AFF3: variants seen among roughly 807,000 people sequenced by gnomAD.
AFF3 encodes AF4/FMR2 family member 3.
AFF3 carries 32 observed loss-of-function variants against 129.7 expected under a neutral mutation model. That is an observed-to-expected ratio of 0.25 (90% CI 0.19 to 0.33). The LOEUF is 0.33. Ranked by LOEUF, AFF3 falls within the 10% of genes least tolerant of loss-of-function variation. AFF3 has a pLI of 1.00. For synonymous variants in AFF3, 644 were observed against 635.4 expected, an observed-to-expected ratio of 1.01 and a Z score of -0.20; for missense variants, 1,373 against 1,592.0, an observed-to-expected ratio of 0.86 and a Z score of 2.34.
chr2:99,913,427 A>T (rs943183588), intron 7 of AFF3, among the ~76,000 whole-genome samples: 1 of 152,166 alleles, frequency 6.6e-6, no homozygotes, highest in Admixed American at 6.6e-5. Flanking sequence ...GTCAATATGA[A>T]CCCTAGTTTC....
chr2:99,560,254 G>A, intron 21 of AFF3, 111 bp downstream of exon 21: 3 of 1,176,214 alleles, frequency 2.6e-6, no homozygotes, highest in Non-Finnish European at 2.5e-6. Flanking sequence ...ACTGCTCTGG[G>A]GCTTTGTATG....
intron 13 of AFF3, among the ~76,000 whole-genome samples, chr2:99,648,238 A>T (rs531121251): frequency 2.0e-5 from 3 of 152,166 alleles, no homozygotes; most frequent in Non-Finnish European, 2.9e-5. Context: ...CCATCACCAT[A>T]ATCTATTTTT....
At chr2:99,557,516 G>A (rs1046308631) in intron 22 of AFF3, among the ~76,000 whole-genome samples, 3 of 152,196 alleles carry the variant, frequency 2.0e-5, no homozygotes, top group African/African-American at 7.2e-5. Context: ...TTAAAAGTTT[G>A]TTGTAGCCCC....
chr2:99,757,260 G>A (rs1682190508), intron 8 of AFF3, among the ~76,000 whole-genome samples: 1 of 152,138 alleles, frequency 6.6e-6, no homozygotes, highest in South Asian at 2.1e-4. Context: ...TGTCTACTGA[G>A]CCACTCAACC....
At chr2:100,054,940 T>C (rs532116949) in intron 4 of AFF3, among the ~76,000 whole-genome samples, 1 of 152,310 alleles carries the variant, frequency 6.6e-6, no homozygotes, top group South Asian at 2.1e-4. Flanking sequence ...AAAGAGTGTT[T>C]CTCCAACAGG....
At chr2:99,951,209 ATCTT>A (rs1463659087) in intron 7 of AFF3, among the ~76,000 whole-genome samples, 1 of 152,222 alleles carries the variant, frequency 6.6e-6, no homozygotes, top group South Asian at 2.1e-4. Context: ...CCTTGAAAAT[ATCTT>A]TCTGATTTTG....
chr2:99,941,593 G>C (rs1558994591), intron 7 of AFF3, among the ~76,000 whole-genome samples: 1 of 152,154 alleles, frequency 6.6e-6, no homozygotes, highest in East Asian at 1.9e-4. Flanking sequence ...AATTTCCACT[G>C]TGACTACACA....
At chr2:99,610,174 G>A (rs1232070970) in intron 13 of AFF3, among the ~76,000 whole-genome samples, 3 of 152,078 alleles carry the variant, frequency 2.0e-5, no homozygotes, top group Non-Finnish European at 2.9e-5. Flanking sequence ...TCACACGGAC[G>A]CGCTTGACAT....
At chr2:99,765,946 A>G (rs560207890) in intron 8 of AFF3, among the ~76,000 whole-genome samples, 55 of 152,158 alleles carry the variant, frequency 3.6e-4, no homozygotes, top group Non-Finnish European at 6.9e-4. Flanking sequence ...CTTCAAAGGG[A>G]TAGTTACTAG....
intron 1 of AFF3, among the ~76,000 whole-genome samples, chr2:100,141,052 A>T (rs969779939): frequency 7.2e-5 from 11 of 152,168 alleles, no homozygotes; most frequent in African/African-American, 2.7e-4. Flanking sequence ...TGTTCCAGGC[A>T]CTTGTCTAAG....
At chr2:99,584,293 C>T (rs1029169919) in intron 16 of AFF3, among the ~76,000 whole-genome samples, 7 of 150,648 alleles carry the variant, frequency 4.6e-5, no homozygotes, top group African/African-American at 1.7e-4. Flanking sequence ...CACGGTGAAA[C>T]CCCCTCTCTG....
intron 8 of AFF3, among the ~76,000 whole-genome samples, chr2:99,790,179 TAAGAA>T (rs529833774): frequency 6.6e-6 from 1 of 152,154 alleles, no homozygotes; most frequent in Non-Finnish European, 1.5e-5. Context: ...ACAGCACAGA[TAAGAA>T]AAGAAATGTG....
chr2:100,083,162 T>G (rs1398858198), intron 4 of AFF3, among the ~76,000 whole-genome samples: 5 of 152,166 alleles, frequency 3.3e-5, no homozygotes, highest in Non-Finnish European at 7.4e-5. Flanking sequence ...TCCTAAGTAT[T>G]TATATACAAC....
chr2:99,961,560 T>G (rs1390085589), intron 7 of AFF3, among the ~76,000 whole-genome samples: 1 of 152,154 alleles, frequency 6.6e-6, no homozygotes, highest in African/African-American at 2.4e-5. Flanking sequence ...TTTTCCACAG[T>G]CCTACACAGT....
Position 99,559,017 on chromosome 2 carries a change from C to T in AFF3, c.3192-49G>A, listed in dbSNP as rs772998497. On this transcript the variant is annotated intron_variant, in intron 21 of 24. Transcript: ENST00000672756. The stretch of plus-strand genomic sequence containing the variant: ...CCCAGAAGCGGCTGAGTGCGTCGTG[C>T]GCAAACAAGACTTAAACATTTTTGT... The T allele has an allele frequency of 2.0e-5, 31 of 1,538,668 alleles. No individual in the cohort carries two copies. In the South Asian group the frequency reaches 3.1e-4, roughly 16 times the overall value.
intron 2 of AFF3, chr2:100,105,862 C>T: frequency 7.5e-7 from 1 of 1,335,672 alleles, no homozygotes; most frequent in Non-Finnish European, 9.9e-7. Flanking sequence ...TTGTGCCTCA[C>T]CACGCGAACC....
At chr2:100,014,337 T>C (rs1573114888) in intron 4 of AFF3, among the ~76,000 whole-genome samples, 1 of 152,162 alleles carries the variant, frequency 6.6e-6, no homozygotes, top group African/African-American at 2.4e-5. Flanking sequence ...CTCTCACCTA[T>C]CTTTTGGAAA....
In AFF3 at chr2:99,755,416, C is replaced by T. The variant is rs113846661; in HGVS notation, c.922-3115G>A. 5.0e-3 allele frequency among the ~76,000 whole-genome samples: 762 copies of T among 152,072 alleles called. 1 individual carries two copies. The highest frequency in any genetic ancestry group is 0.018 in the African/African-American group (730 of 41,484). ...CCGAGTAGCTGGGATTACAGGCATG[C>T]GTCACCACACCTGGCTAATTCTGTA... On this transcript the variant is annotated intron_variant, in intron 8 of 24. Transcript: ENST00000672756.
intron 8 of AFF3, among the ~76,000 whole-genome samples, chr2:99,787,800 G>A (rs950234038): frequency 2.0e-4 from 30 of 152,178 alleles, no homozygotes; most frequent in African/African-American, 7.2e-4. Context: ...GCTCAGCTTT[G>A]GGGAGATCTG....
Sources: allele counts gnomAD v4.1 joint callset (sites outside exome capture counted in the v4.1 genomes callset), GRCh38; gene constraint gnomAD v4.1.1; transcripts MANE v1.5; gene names NCBI Gene and HGNC (gene_info 2026-07-23, HGNC 2026-07-21).